Variants in XKR3 observed in about 807,000 individuals in gnomAD.
The protein encoded by XKR3 is XK related 3, also known as XK-related protein 3.
A neutral mutation model predicts 40.3 loss-of-function variants in XKR3; 27 were observed. The observed-to-expected ratio is 0.67, with a 90% CI of 0.49 to 0.92. XKR3 has a LOEUF of 0.92. Ranked by LOEUF, XKR3 falls within the 40% of genes least tolerant of loss-of-function variation. The pLI, the probability that XKR3 is intolerant of heterozygous loss-of-function variation, is 0.00. For synonymous variants in XKR3, 193 were observed against 195.4 expected (o/e 0.99, Z 0.10); for missense variants, 472 against 537.6 (o/e 0.88, Z 1.21).
chr22:16,816,913 A>G (rs937012701), intron 1 of XKR3, among the ~76,000 whole-genome samples: 5 of 151,972 alleles, frequency 3.3e-5, no homozygotes, highest in Non-Finnish European at 5.9e-5. Flanking sequence ...GTATAATTAT[A>G]TTCTCAATAT....
chr22:16,796,896 T>C (rs1356416708), intron 3 of XKR3, among the ~76,000 whole-genome samples: 8 of 152,188 alleles, frequency 5.3e-5, no homozygotes, highest in Admixed American at 2.0e-4. Flanking sequence ...AACCCAGTGA[T>C]GTTACACTAC....
chr22:16,802,605 T>C (rs1263810781), intron 2 of XKR3, among the ~76,000 whole-genome samples: 1 of 152,134 alleles, frequency 6.6e-6, no homozygotes, highest in African/African-American at 2.4e-5. Context: ...TTCTCCTGCC[T>C]CAGCCTCCCA....
chr22:16,813,017 G>C (rs2060218800), intron 1 of XKR3, among the ~76,000 whole-genome samples: 1 of 152,124 alleles, frequency 6.6e-6, no homozygotes, highest in South Asian at 2.1e-4. Context: ...GGGCGCGGTG[G>C]CTCACGCCTG....
At chr22:16,808,127 A>G (rs2060198268) in intron 1 of XKR3, 44 bp from the exon 2 acceptor site, 2 of 1,414,072 alleles carry the variant, frequency 1.4e-6, no homozygotes, top group East Asian at 2.3e-5. Flanking sequence ...AGTAGAGTTC[A>G]GTATTAAATT....
At chr22:16,815,660 G>A (rs918006198) in intron 1 of XKR3, among the ~76,000 whole-genome samples, 9 of 151,870 alleles carry the variant, frequency 5.9e-5, no homozygotes, top group African/African-American at 2.2e-4. Flanking sequence ...AGTGAAGGTA[G>A]CAACATTTAT....
chr22:16,824,324 C>G (rs1284519873), intron 1 of XKR3, among the ~76,000 whole-genome samples: 1 of 151,844 alleles, frequency 6.6e-6, no homozygotes, highest in East Asian at 1.9e-4. Context: ...TGTTTTTCCC[C>G]AAATAATGTC....
chr22:16,784,225 T>C lies in XKR3; in HGVS notation c.774A>G (p.Ala258=). 1 of 1,614,162 alleles carries C rather than the reference T, an allele frequency of 6.2e-7. No homozygotes were observed. The highest frequency in any genetic ancestry group is 8.5e-7 in the Non-Finnish European group (1 of 1,180,026). ...SRVVTLAFFI[A]SLKLKSLPVL... The stretch of plus-strand genomic sequence containing the variant: ...CGGGTAGGCTCTTCAGTTTCAGAGA[T>C]GCAATGAAAAATGCCAGAGTCACTA... The change falls in exon 4 of 4, where the codon GCA becomes GCG. Residue 258 remains alanine (A), a synonymous_variant. Transcript: ENST00000684488.
At position 16,784,175 on chromosome 22, in the gene XKR3, G is replaced by C; in HGVS notation, c.824C>G (p.Ser275Ter). ...AAACTCCAGCCACGGTGCCAACAATGATACAAAATATATGATTAACAAAAC... is the reference window on the plus strand; with the variant it reads ...AAACTCCAGCCACGGTGCCAACAATCATACAAAATATATGATTAACAAAAC... ...LPVLLIIYFV[S>*]LLAPWLEFWK... The change falls in exon 4 of 4, where the codon TCA (serine) becomes TGA (stop). Residue 275 changes from serine to a stop codon, truncating the protein, a stop_gained. Transcript: ENST00000684488. LOFTEE classifies it high-confidence loss of function. 3 of 1,614,188 alleles carry C rather than the reference G, an allele frequency of 1.9e-6. No individual in the cohort carries two copies. Among genetic ancestry groups the C allele is most frequent in the Non-Finnish European group, 2.5e-6 (3 of 1,180,034 alleles).
chr22:16,799,852 G>A lies in XKR3; in HGVS notation c.508C>T (p.Gln170Ter). ...QKAFKYMSVI[Q>*]AFLGSVPQLI... The stretch of plus-strand genomic sequence containing the variant: ...TGTGGAACAGAACCGAGAAAAGCCT[G>A]AATCACTGACATGTACTTGAAAGCC... Residue 170 changes from glutamine to a stop codon, truncating the protein, a stop_gained, in exon 3 of 4, where the codon CAG becomes TAG. Transcript: ENST00000684488. LOFTEE classifies it high-confidence loss of function. 1.9e-6 allele frequency: 3 copies of A among 1,614,116 alleles called. No individual in the cohort carries two copies. The highest frequency in any genetic ancestry group is 1.7e-4 in the Middle Eastern group (1 of 6,060).
Position 16,783,627 on chromosome 22 carries a change from A to G in XKR3, c.1372T>C (p.Cys458Arg). 1.9e-6 allele frequency: 3 copies of G among 1,581,772 alleles called. No homozygotes were observed. The highest frequency in any genetic ancestry group is 2.6e-6 in the Non-Finnish European group (3 of 1,167,106). Reference sequence around the variant, plus strand: ...AAGTATATATGTATATTTTATGAACATGTCATACTTTTTCTGATTGAAAAA... The same window carrying G: ...AAGTATATATGTATATTTTATGAACGTGTCATACTTTTTCTGATTGAAAAA... ...GYFSIRKSMT[C>R]S is the part of the protein sequence containing the mutation. The change falls in exon 4 of 4, where the codon TGT (cysteine) becomes CGT (arginine). Residue 458 changes from cysteine (C) to arginine (R), a missense_variant. By Grantham distance (180) the Cys-to-Arg change is radical. Coordinates refer to ENST00000684488, the MANE Select transcript of XKR3 (RefSeq NM_001386955.1).
intron 3 of XKR3, among the ~76,000 whole-genome samples, chr22:16,790,655 A>G (rs2060111714): frequency 6.6e-6 from 1 of 152,194 alleles, no homozygotes; most frequent in Non-Finnish European, 1.5e-5. Context: ...CCCCTATCAT[A>G]CAAGTTTACT....
chr22:16,819,213 A>C (rs898737120), intron 1 of XKR3, among the ~76,000 whole-genome samples: 4 of 152,180 alleles, frequency 2.6e-5, no homozygotes, highest in African/African-American at 9.6e-5. Flanking sequence ...AATCTTCCCC[A>C]GCTTGATCTA....
intron 1 of XKR3, among the ~76,000 whole-genome samples, chr22:16,814,032 T>C (rs1366829677): frequency 6.6e-6 from 1 of 152,228 alleles, no homozygotes; most frequent in African/African-American, 2.4e-5. Context: ...AGCACAGAAG[T>C]TTAATTTCAA....
intron 3 of XKR3, among the ~76,000 whole-genome samples, chr22:16,785,990 A>T (rs1222091599): frequency 1.3e-5 from 2 of 152,230 alleles, no homozygotes; most frequent in East Asian, 3.8e-4. Context: ...CCATTTAGAA[A>T]ATGAATATTA....
At chr22:16,812,211 G>C (rs2060215884) in intron 1 of XKR3, among the ~76,000 whole-genome samples, 1 of 152,156 alleles carries the variant, frequency 6.6e-6, no homozygotes, top group South Asian at 2.1e-4. Flanking sequence ...CTGTTTTCCA[G>C]TTGTTCACTT....
intron 2 of XKR3, among the ~76,000 whole-genome samples, chr22:16,801,908 TA>T (rs2060170974): frequency 6.6e-6 from 1 of 152,220 alleles, no homozygotes; most frequent in Admixed American, 6.5e-5. Context: ...AGTATGTGAC[TA>T]AATGGTCTGG....
chr22:16,811,288 C>CT (rs917480289), intron 1 of XKR3, among the ~76,000 whole-genome samples: 4 of 151,614 alleles, frequency 2.6e-5, no homozygotes, highest in African/African-American at 9.7e-5. Context: ...GACCTGACTA[C>CT]TTTTTTTTGG....
In XKR3 at chr22:16,784,288, A is replaced by C. The variant is rs2060080203; in HGVS notation, c.711T>G (p.Cys237Trp). The change falls in exon 4 of 4, where the codon TGT becomes TGG. Residue 237 changes from cysteine to tryptophan, a missense_variant. Coordinates refer to ENST00000684488, the MANE Select transcript of XKR3 (RefSeq NM_001386955.1). ...CCTCCAAAAAACGCCACATCACGACACAGAAGAATTCTATCGGCGGTAGCT... is the reference window on the plus strand; with the variant it reads ...CCTCCAAAAAACGCCACATCACGACCCAGAAGAATTCTATCGGCGGTAGCT... ...TIKLPPIEFFCVVMWRFLEVI... is the reference protein window; with the variant it reads ...TIKLPPIEFFWVVMWRFLEVI... The C allele has an allele frequency of 6.2e-7, 1 of 1,614,200 alleles. No homozygotes were observed. Among genetic ancestry groups the C allele is most frequent in the South Asian group, 1.1e-5 (1 of 91,084 alleles).
chr22:16,822,728 T>C (rs1042944651), intron 1 of XKR3, among the ~76,000 whole-genome samples: 2 of 152,230 alleles, frequency 1.3e-5, no homozygotes, highest in Non-Finnish European at 2.9e-5. Context: ...CAAGTTGTTC[T>C]GGTTAGCAGT....
Sources: allele counts gnomAD v4.1 joint callset (sites outside exome capture counted in the v4.1 genomes callset), GRCh38; gene constraint gnomAD v4.1.1; transcripts MANE v1.5; gene names NCBI Gene and HGNC (gene_info 2026-07-23, HGNC 2026-07-21).